CA13: variants seen among roughly 807,000 people sequenced by gnomAD.
CA13 encodes CA-XIII.
A neutral mutation model predicts 31.5 loss-of-function variants in CA13; 21 were observed. That is an observed-to-expected ratio of 0.67 (90% CI 0.47 to 0.96). CA13 has a LOEUF of 0.96. CA13 is among the 40% of genes least tolerant of loss of function. CA13 has a pLI of 0.00. For synonymous variants in CA13, 117 were observed against 111.4 expected, an observed-to-expected ratio of 1.05 and a Z score of -0.32; for missense variants, 315 against 318.9, an observed-to-expected ratio of 0.99 and a Z score of 0.09.
At chr8:85,270,107 T>C (rs181536566) in intron 6 of CA13, among the ~76,000 whole-genome samples, 68 of 152,352 alleles carry the variant, frequency 4.5e-4, no homozygotes, top group African/African-American at 1.2e-3. Context: ...ATGCTGTGTG[T>C]TCTTGGATGC....
chr8:85,250,939 T>A lies in CA13; in HGVS notation c.235+2T>A. Reference sequence around the variant, plus strand: ...TTGATGACACAGAGAACAAATCAGGTTGGCTTTTCTTTTTTTGTGTGTGTG... The same window carrying A: ...TTGATGACACAGAGAACAAATCAGGATGGCTTTTCTTTTTTTGTGTGTGTG... On this transcript the variant is annotated splice_donor_variant, in intron 2 of 6. Transcript: ENST00000321764. LOFTEE classifies it high-confidence loss of function. 6.2e-7 allele frequency: 1 copy of A among 1,612,710 alleles called. No individual in the cohort carries two copies. The highest frequency in any genetic ancestry group is 8.5e-7 in the Non-Finnish European group (1 of 1,179,036).
rs931027638 is a variant in CA13, at chr8:85,282,031, C to T, written c.*682C>T. 2.6e-5 allele frequency: 4 copies of T among 152,184 alleles called. No homozygotes were observed. The highest frequency in any genetic ancestry group is 9.7e-5 in the African/African-American group (4 of 41,440). The allele number at this position is 152,184 out of a possible 1,614,324, so 9.4% of individuals were successfully genotyped here. On this transcript the variant is annotated 3_prime_UTR_variant, in exon 7 of 7. Coordinates refer to ENST00000321764, the MANE Select transcript of CA13 (RefSeq NM_198584.3). ...AGCTCTCAGTGATGTTAGATGGAAA[C>T]TTATATCTCAAATGATAGGATTGTG...
chr8:85,259,318 G>A (rs1196991659), intron 2 of CA13, 103 bp from the exon 3 acceptor site: 2 of 847,054 alleles, frequency 2.4e-6, no homozygotes, highest in Non-Finnish European at 1.9e-6. Context: ...AAAATTCCTT[G>A]GAGGACATGG....
rs556782379 is a variant in CA13, at chr8:85,267,589, T to A, written c.451-313T>A. 3.9e-5 allele frequency among the ~76,000 whole-genome samples: 6 copies of A among 152,306 alleles called. No individual in the cohort carries two copies. The South Asian group carries it at 1.2e-3, about 32-fold the overall frequency. On this transcript the variant is annotated intron_variant, in intron 4 of 6. Coordinates refer to ENST00000321764, the MANE Select transcript of CA13 (RefSeq NM_198584.3). Reference sequence around the variant, plus strand: ...GCAGGTTATTTGTTAGACTGTCTTATGCAAAGTTTCTCTCAAGTTAACCTA... The same window carrying A: ...GCAGGTTATTTGTTAGACTGTCTTAAGCAAAGTTTCTCTCAAGTTAACCTA...
chr8:85,268,475 A>G lies in CA13; in HGVS notation c.517A>G (p.Lys173Glu). 1 of 1,614,016 alleles carries G rather than the reference A, an allele frequency of 6.2e-7. No individual in the cohort carries two copies. Among genetic ancestry groups the G allele is most frequent in the Non-Finnish European group, 8.5e-7 (1 of 1,179,918 alleles). Residue 173 changes from lysine (K) to glutamate (E), a missense_variant, in exon 6 of 7, where the codon AAA (lysine) becomes GAA (glutamate). Coordinates refer to ENST00000321764, the MANE Select transcript of CA13 (RefSeq NM_198584.3). ...GGAATTCTTTTTGATCCTCCAGGGT[A>G]AACAAACTCGATTCACAAATTTTGA... ...DTLDSIKEKG[K>E]QTRFTNFDLL...
intron 2 of CA13, among the ~76,000 whole-genome samples, chr8:85,253,512 G>A (rs574822359): frequency 1.3e-5 from 2 of 152,242 alleles, no homozygotes; most frequent in Non-Finnish European, 2.9e-5. Flanking sequence ...GGATCTGCCC[G>A]CCTCGGTCTC....
At chr8:85,279,784 G>C (rs1807670706) in intron 6 of CA13, among the ~76,000 whole-genome samples, 1 of 152,190 alleles carries the variant, frequency 6.6e-6, no homozygotes, top group South Asian at 2.1e-4. Flanking sequence ...GACAGACCTG[G>C]ATTGTTATGA....
In CA13 at chr8:85,249,486, C is replaced by T. The variant is rs181231937; in HGVS notation, c.38-1254C>T. ...TTCCAGCCTGGGTAACAGAGCAAGA[C>T]CCTGTCTCAAAAAAAAAAAAAAAAG... On this transcript the variant is annotated intron_variant, in intron 1 of 6. Transcript: ENST00000321764. 1.4e-4 allele frequency among the ~76,000 whole-genome samples: 17 copies of T among 125,354 alleles called. No homozygotes were observed. The East Asian group carries it at 3.4e-3, about 25-fold the overall frequency. The allele number at this position is 125,354 out of a possible 152,430, so 82.2% of individuals were successfully genotyped here.
rs906374565 is a variant in CA13 at position 85,281,486 on chromosome 8, A to G, written c.*137A>G. 7.1e-7 allele frequency: 1 copy of G among 1,414,726 alleles called. No homozygotes were observed. Among genetic ancestry groups the G allele is most frequent in the African/African-American group, 1.4e-5 (1 of 69,338 alleles). The allele number at this position is 1,414,726 out of a possible 1,614,324, so 87.6% of individuals were successfully genotyped here. A position where few individuals can be genotyped will look rare whatever the true frequency, so the allele number is the denominator to read the frequency against. On this transcript the variant is annotated 3_prime_UTR_variant, in exon 7 of 7. Coordinates refer to ENST00000321764, the MANE Select transcript of CA13 (RefSeq NM_198584.3). ...ACATTTTAGTATGAGCTTCAGTGTC[A>G]CAAAGAAAACCAGATCTCTCTCTCT...
chr8:85,247,564 TTTTG>T (rs1296876189), intron 1 of CA13, among the ~76,000 whole-genome samples: 1 of 152,062 alleles, frequency 6.6e-6, no homozygotes, highest in Non-Finnish European at 1.5e-5. Context: ...TAGGCAAGTT[TTTTG>T]TTTGTTTGTT....
rs774099565 is a variant in CA13, at chr8:85,281,293, A to G, written c.733A>G (p.Asn245Asp). 3.1e-6 allele frequency: 5 copies of G among 1,613,980 alleles called. No homozygotes were observed. The highest frequency in any genetic ancestry group is 1.3e-5 in the African/African-American group (1 of 74,914). Residue 245 changes from asparagine (N) to aspartate (D), a missense_variant, in exon 7 of 7, where the codon AAT becomes GAT. Physicochemically the swap from Asn to Asp is conservative, Grantham distance 23 (BLOSUM62 1). Coordinates refer to ENST00000321764, the MANE Select transcript of CA13 (RefSeq NM_198584.3). The stretch of plus-strand genomic sequence containing the variant: ...TGAAGCAGCAGCTTTTCTGGTGAGC[A>G]ATCACCGCCCACCACAGCCTCTAAA... The part of the protein sequence containing the change: ...EGEAAAFLVS[N>D]HRPPQPLKGR...
chr8:85,273,875 C>G (rs1057465781), intron 6 of CA13, among the ~76,000 whole-genome samples: 4 of 151,952 alleles, frequency 2.6e-5, no homozygotes, highest in Non-Finnish European at 5.9e-5. Flanking sequence ...TGCAGACGGG[C>G]TGAGGTCTAA....
Position 85,281,538 on chromosome 8 carries a change from A to T in CA13, c.*189A>T, listed in dbSNP as rs1807707744. On this transcript the variant is annotated 3_prime_UTR_variant, in exon 7 of 7. Coordinates refer to ENST00000321764, the MANE Select transcript of CA13 (RefSeq NM_198584.3). Reference sequence around the variant, plus strand: ...TTTTTTTTATTTTTTTTAGTGATAGAGTCTCACTCTGTCACCCAGGCTGGA... The same window carrying T: ...TTTTTTTTATTTTTTTTAGTGATAGTGTCTCACTCTGTCACCCAGGCTGGA... The T allele has an allele frequency of 7.9e-7, 1 of 1,267,598 alleles. No homozygotes were observed. Among genetic ancestry groups the T allele is most frequent in the Non-Finnish European group, 1.0e-6 (1 of 993,026 alleles). 78.5% of individuals were successfully genotyped at this position (1,267,598 alleles called of 1,614,324 possible).
intron 2 of CA13, among the ~76,000 whole-genome samples, chr8:85,252,999 G>T (rs1807220258): frequency 6.6e-6 from 1 of 151,052 alleles, no homozygotes; most frequent in African/African-American, 2.4e-5. Flanking sequence ...AGGCTGGAGT[G>T]CAATGGCACA....
At chr8:85,264,584 T>A (rs1050296043) in intron 3 of CA13, among the ~76,000 whole-genome samples, 2 of 152,168 alleles carry the variant, frequency 1.3e-5, no homozygotes, top group Non-Finnish European at 2.9e-5. Context: ...ATAGTTTAAA[T>A]AGTTGTACTT....
At chr8:85,251,201 A>G (rs1020395311) in intron 2 of CA13, among the ~76,000 whole-genome samples, 1 of 152,030 alleles carries the variant, frequency 6.6e-6, no homozygotes, top group African/African-American at 2.4e-5. Context: ...ACAGGGTTTC[A>G]CCATGTTGGC....
chr8:85,258,757 T>TAAAA (rs1587537792), intron 2 of CA13, among the ~76,000 whole-genome samples: 1 of 6,262 alleles, frequency 1.6e-4, no homozygotes, highest in African/African-American at 5.5e-4. Context: ...GCCCTGTCTC[T>TAAAA]ACAAAAAAAA....
In CA13 at chr8:85,276,361, C is replaced by G. The variant is rs574172891; in HGVS notation, c.670-4869C>G. Among the ~76,000 whole-genome samples the G allele has an allele frequency of 1.6e-4, 25 of 152,370 alleles. No individual in the cohort carries two copies. In the East Asian group the frequency reaches 4.8e-3, roughly 29 times the overall value. ...AGCTTCCCCAAACGATCGCTGCCCC[C>G]TGCTCCACGGTGCCCAGTCACATCG... On this transcript the variant is annotated intron_variant, in intron 6 of 6. Transcript: ENST00000321764.
chr8:85,272,900 C>T (rs1400718361), intron 6 of CA13, among the ~76,000 whole-genome samples: 1 of 152,136 alleles, frequency 6.6e-6, no homozygotes, highest in Non-Finnish European at 1.5e-5. Context: ...TCACTGTAAC[C>T]ACCACCTCCC....
Sources: allele counts gnomAD v4.1 joint callset (sites outside exome capture counted in the v4.1 genomes callset), GRCh38; gene constraint gnomAD v4.1.1; transcripts MANE v1.5; gene names NCBI Gene and HGNC (gene_info 2026-07-23, HGNC 2026-07-21).